The following GXYLT2 variants were observed in gnomAD, a reference collection of about 807,000 sequenced individuals.
GXYLT2 encodes glycosyltransferase 8 domain containing 4.
In GXYLT2, 53 loss-of-function variants were observed where a neutral mutation model predicts 45.8. The ratio of observed to expected loss-of-function variants is 1.16; its 90% CI spans 0.93 to 1.46. The LOEUF is 1.46. Among genes scored for constraint, GXYLT2 ranks in the 40% most tolerant of loss-of-function variants. The probability of loss-of-function intolerance (pLI) is 0.00; values close to 1 mark genes in which losing one functional copy is unlikely to be tolerated. For missense variants in GXYLT2, 551 were observed against 544.4 expected (o/e 1.01, Z -0.12); for synonymous variants, 219 against 214.2 (o/e 1.02, Z -0.19).
At chr3:72,912,648 G>A (rs554233852) in intron 2 of GXYLT2, among the ~76,000 whole-genome samples, 1 of 152,308 alleles carries the variant, frequency 6.6e-6, no homozygotes, top group East Asian at 1.9e-4. Flanking sequence ...TTGTGAGGAT[G>A]CCTGCCCCTG....
intron 6 of GXYLT2, among the ~76,000 whole-genome samples, 170 bp from the exon 7 acceptor site, chr3:72,974,807 G>A (rs1184573955): frequency 6.6e-6 from 1 of 152,098 alleles, no homozygotes; most frequent in African/African-American, 2.4e-5. Context: ...ATTACCTGGG[G>A]TTGCACAGCT....
chr3:72,940,013 C>T (rs1408961587), intron 3 of GXYLT2, among the ~76,000 whole-genome samples: 1 of 152,024 alleles, frequency 6.6e-6, no homozygotes, highest in Non-Finnish European at 1.5e-5. Flanking sequence ...AAAGAAATGG[C>T]CAGGCGCTGT....
intron 5 of GXYLT2, 96 bp downstream of exon 5, chr3:72,957,448 A>C: frequency 8.0e-7 from 1 of 1,252,268 alleles, no homozygotes; most frequent in East Asian, 2.5e-5. Flanking sequence ...ACTAGGCTTG[A>C]ATTGTGCACA....
chr3:72,943,323 G>A (rs1351229861), intron 3 of GXYLT2, among the ~76,000 whole-genome samples: 4 of 151,298 alleles, frequency 2.6e-5, no homozygotes, highest in Admixed American at 6.6e-5. Flanking sequence ...TACACATAAA[G>A]CAATCTTTAT....
intron 2 of GXYLT2, among the ~76,000 whole-genome samples, chr3:72,916,663 C>T (rs1041010771): frequency 2.0e-5 from 3 of 152,000 alleles, no homozygotes; most frequent in Non-Finnish European, 4.4e-5. Context: ...CCTCAGCCCC[C>T]CTAGTAGCTG....
At chr3:72,939,664 T>C (rs1002183065) in intron 3 of GXYLT2, among the ~76,000 whole-genome samples, 2 of 149,490 alleles carry the variant, frequency 1.3e-5, no homozygotes, top group African/African-American at 4.9e-5. Flanking sequence ...AGTATGATTC[T>C]ATAGGTAGTC....
intron 1 of GXYLT2, among the ~76,000 whole-genome samples, chr3:72,895,548 A>T (rs554149049): frequency 1.0e-3 from 153 of 152,350 alleles, no homozygotes; most frequent in African/African-American, 3.6e-3. Flanking sequence ...GAATTTGAGA[A>T]CAGATTTGTT....
intron 5 of GXYLT2, among the ~76,000 whole-genome samples, chr3:72,959,822 A>C (rs1431157586): frequency 6.6e-6 from 1 of 151,558 alleles, no homozygotes; most frequent in East Asian, 2.0e-4. Context: ...TTTAGTAGAG[A>C]CAGGGTTTCG....
At chr3:72,916,225 G>A (rs1484160410) in intron 2 of GXYLT2, among the ~76,000 whole-genome samples, 1 of 150,600 alleles carries the variant, frequency 6.6e-6, no homozygotes, top group African/African-American at 2.5e-5. Flanking sequence ...TTGAGATGGA[G>A]CCTCCATGAG....
rs375360453 is a variant in GXYLT2, at chr3:72,975,087, A to C, written c.1260A>C (p.Gln420His). The C allele has an allele frequency of 6.2e-7, 1 of 1,613,702 alleles. No individual in the cohort carries two copies. The highest frequency in any genetic ancestry group is 1.3e-5 in the African/African-American group (1 of 74,908). Residue 420 changes from glutamine to histidine, a missense_variant, in exon 7 of 7, where the codon CAA becomes CAC. Physicochemically the swap from Gln to His is conservative, Grantham distance 24. Coordinates refer to ENST00000389617, the MANE Select transcript of GXYLT2 (RefSeq NM_001080393.2). ...GAATCCCGCAAGTTTTTCTGAAGCA[A>C]ATTGAGAAAACAATGAAAAGGGCTT... ...CGRIPQVFLK[Q>H]IEKTMKRAYE...
At chr3:72,920,979 G>A (rs973125139) in intron 2 of GXYLT2, among the ~76,000 whole-genome samples, 3 of 151,272 alleles carry the variant, frequency 2.0e-5, no homozygotes, top group African/African-American at 2.4e-5. Flanking sequence ...CCACCACCAC[G>A]CCAGCTAATT....
At chr3:72,892,059 T>A (rs1709192428) in intron 1 of GXYLT2, among the ~76,000 whole-genome samples, 1 of 152,212 alleles carries the variant, frequency 6.6e-6, no homozygotes, top group Admixed American at 6.5e-5. Context: ...TTGAAAAGAA[T>A]TTGGCATGTG....
At chr3:72,953,741 C>T (rs951664212) in intron 3 of GXYLT2, among the ~76,000 whole-genome samples, 3 of 152,152 alleles carry the variant, frequency 2.0e-5, no homozygotes, top group African/African-American at 7.2e-5. Flanking sequence ...CATGCTGATA[C>T]ACAAACAAAG....
At chr3:72,933,577 T>C (rs867144498) in intron 3 of GXYLT2, among the ~76,000 whole-genome samples, 95 of 152,308 alleles carry the variant, frequency 6.2e-4, no homozygotes, top group African/African-American at 2.2e-3. Flanking sequence ...GTGATCATAA[T>C]TGATTCAGGC....
intron 3 of GXYLT2, among the ~76,000 whole-genome samples, chr3:72,933,061 C>G (rs974175372): frequency 6.6e-6 from 1 of 152,172 alleles, no homozygotes; most frequent in Non-Finnish European, 1.5e-5. Context: ...ACATTTAACA[C>G]CCTTGGAAAC....
chr3:72,922,174 C>T (rs1407339500), intron 2 of GXYLT2, 30 bp from the exon 3 acceptor site: 1 of 1,604,410 alleles, frequency 6.2e-7, no homozygotes, highest in African/African-American at 1.3e-5. Flanking sequence ...AGGGCCTAAT[C>T]ACCCTTCCCT....
At chr3:72,916,192 G>A (rs903668463) in intron 2 of GXYLT2, among the ~76,000 whole-genome samples, 2 of 150,482 alleles carry the variant, frequency 1.3e-5, no homozygotes, top group Non-Finnish European at 2.9e-5. Flanking sequence ...TCCTTCTCTT[G>A]CATCTGCGTT....
chr3:72,940,687 T>C (rs917401076), intron 3 of GXYLT2, among the ~76,000 whole-genome samples: 2 of 152,192 alleles, frequency 1.3e-5, no homozygotes, highest in Admixed American at 6.5e-5. Flanking sequence ...GTTTTGTTTG[T>C]TTGTTTGTTT....
chr3:72,951,446 A>G (rs1710523508), intron 3 of GXYLT2, among the ~76,000 whole-genome samples: 1 of 152,214 alleles, frequency 6.6e-6, no homozygotes, highest in Non-Finnish European at 1.5e-5. Context: ...ACCACTATTT[A>G]TTGAGTACTT....
Sources: allele counts gnomAD v4.1 joint callset (sites outside exome capture counted in the v4.1 genomes callset), GRCh38; gene constraint gnomAD v4.1.1; transcripts MANE v1.5; gene names NCBI Gene and HGNC (gene_info 2026-07-23, HGNC 2026-07-21).